RAPGEF1: variants seen among roughly 807,000 people sequenced by gnomAD.
RAPGEF1 encodes Rap guanine nucleotide exchange factor 1, also known as CRK SH3-binding GNRP.
RAPGEF1 carries 33 observed loss-of-function variants against 143.3 expected under a neutral mutation model. The ratio of observed to expected loss-of-function variants is 0.23; its 90% CI spans 0.17 to 0.31. RAPGEF1 has a LOEUF of 0.31. Among genes scored for constraint, RAPGEF1 ranks in the 10% least tolerant of loss-of-function variants. RAPGEF1 has a pLI of 1.00. For missense variants in RAPGEF1, 1,199 were observed against 1,645.4 expected (o/e 0.73, Z 4.69); for synonymous variants, 629 against 676.5 (o/e 0.93, Z 1.09).
In RAPGEF1 at chr9:131,716,489, G is replaced by A. The variant is rs368080518; in HGVS notation, c.61+23281C>T. Among the ~76,000 whole-genome samples the A allele has an allele frequency of 2.6e-5, 4 of 152,350 alleles. No individual in the cohort carries two copies. In the East Asian group the frequency reaches 7.7e-4, roughly 29 times the overall value. ...GCTTCTTAAACCCCTGATGTGGCCA[G>A]GCACTATGGCTCATGCCTGTAATCC... On this transcript the variant is annotated intron_variant, in intron 1 of 26. Transcript: ENST00000683357.
rs547323151 is a variant in RAPGEF1 at position 131,608,898 on chromosome 9, C to A, written c.2062-3710G>T. Among the ~76,000 whole-genome samples, 8 of 152,324 alleles carry A rather than the reference C, an allele frequency of 5.3e-5. No individual in the cohort carries two copies. The East Asian group carries it at 1.4e-3, about 26-fold the overall frequency. On this transcript the variant is annotated intron_variant, in intron 12 of 26. Transcript: ENST00000683357. ...CACAGGGGCAGAGAGAAAGGCAGGG[C>A]GGGCCATTCCACAGAAACGCCGCCT...
At chr9:131,652,526 T>C (rs1256086086) in intron 1 of RAPGEF1, among the ~76,000 whole-genome samples, 2 of 152,164 alleles carry the variant, frequency 1.3e-5, no homozygotes, top group Admixed American at 1.3e-4. Context: ...TAAAAAATTA[T>C]TATTTTTTTT....
intron 1 of RAPGEF1, among the ~76,000 whole-genome samples, chr9:131,724,728 G>C (rs1322447028): frequency 6.6e-6 from 1 of 152,216 alleles, no homozygotes; most frequent in Non-Finnish European, 1.5e-5. Flanking sequence ...TCTGATGGAT[G>C]AAATGAGTTC....
chr9:131,596,181 T>C, intron 17 of RAPGEF1, 117 bp downstream of exon 17: 1 of 913,706 alleles, frequency 1.1e-6, no homozygotes, highest in South Asian at 1.5e-5. Flanking sequence ...GCACCAGGAC[T>C]GCTGATCAGA....
chr9:131,641,740 C>A lies in RAPGEF1; in HGVS notation c.494+1499G>T, dbSNP rs917556155. 6.6e-6 allele frequency among the ~76,000 whole-genome samples: 1 copy of A among 152,226 alleles called. No homozygotes were observed. On this transcript the variant is annotated intron_variant, in intron 4 of 26. Coordinates refer to ENST00000683357, the MANE Select transcript of RAPGEF1 (RefSeq NM_001377935.1). This position sits in a 1 kb window ranked among gnomAD's most constrained non-coding sequence, Gnocchi z 4.6. ...CACCGAACACTTCTAAGAGCCGGAG[C>A]TGGACTGACTCTGGGAAAGACAGTG... is the stretch of plus-strand genomic sequence containing the variant.
chr9:131,691,938 G>A (rs937159077), intron 1 of RAPGEF1, among the ~76,000 whole-genome samples: 6 of 152,064 alleles, frequency 3.9e-5, no homozygotes, highest in Non-Finnish European at 5.9e-5. Flanking sequence ...GAACAAAAAC[G>A]AAATATTTAT....
At chr9:131,627,213 C>CAAAAAAA (rs10690802) in intron 9 of RAPGEF1, among the ~76,000 whole-genome samples, 9 of 97,408 alleles carry the variant, frequency 9.2e-5, no homozygotes, top group African/African-American at 1.9e-4. Context: ...GGCTCTGTCT[C>CAAAAAAA]AAAAAAAAAA....
chr9:131,730,515 T>C (rs997177478), intron 1 of RAPGEF1, among the ~76,000 whole-genome samples: 8 of 150,798 alleles, frequency 5.3e-5, no homozygotes, highest in Non-Finnish European at 7.4e-5. Context: ...GTCAACATGG[T>C]GAAACCCCAT....
intron 1 of RAPGEF1, among the ~76,000 whole-genome samples, chr9:131,693,134 C>T (rs1833899851): frequency 6.6e-6 from 1 of 152,182 alleles, no homozygotes; most frequent in Non-Finnish European, 1.5e-5. Flanking sequence ...GGTAAATGTT[C>T]TCTCTCTGGC....
At chr9:131,600,531 A>T (rs1365847599) in intron 15 of RAPGEF1, among the ~76,000 whole-genome samples, 1 of 152,172 alleles carries the variant, frequency 6.6e-6, no homozygotes, top group East Asian at 1.9e-4. Context: ...GCCCTCTTCA[A>T]CAGGTCCCTA....
intron 12 of RAPGEF1, among the ~76,000 whole-genome samples, chr9:131,610,723 T>C (rs539942410): frequency 1.3e-5 from 2 of 152,346 alleles, no homozygotes; most frequent in Admixed American, 1.3e-4. Flanking sequence ...TCAGAGCACA[T>C]ATGTCCTTCA....
At chr9:131,635,573 G>C (rs1272936434) in intron 5 of RAPGEF1, among the ~76,000 whole-genome samples, 1 of 152,210 alleles carries the variant, frequency 6.6e-6, no homozygotes, top group Non-Finnish European at 1.5e-5. Context: ...CCTCCCAGCT[G>C]GGGGAGGCTC....
intron 1 of RAPGEF1, among the ~76,000 whole-genome samples, chr9:131,672,155 AC>A (rs1831509468): frequency 1.3e-5 from 2 of 152,248 alleles, no homozygotes; most frequent in African/African-American, 4.8e-5. Context: ...AGGACCAAGC[AC>A]AGGTGCAAAG....
intron 1 of RAPGEF1, chr9:131,709,701 C>CA: frequency 6.2e-7 from 1 of 1,613,840 alleles, no homozygotes; most frequent in Non-Finnish European, 8.5e-7. Flanking sequence ...CCAGAGGACA[C>CA]AGGGCCCTTC....
At chr9:131,715,818 T>C (rs963152443) in intron 1 of RAPGEF1, among the ~76,000 whole-genome samples, 5 of 147,366 alleles carry the variant, frequency 3.4e-5, no homozygotes, top group African/African-American at 1.0e-4. Context: ...TGAGTGGAGA[T>C]TGCACCACTG....
Position 131,612,528 on chromosome 9 carries a change from T to C in RAPGEF1, c.2061+6523A>G, listed in dbSNP as rs542037995. Among the ~76,000 whole-genome samples, 3 of 152,278 alleles carry C rather than the reference T, an allele frequency of 2.0e-5. No individual in the cohort carries two copies. In the South Asian group the frequency reaches 6.2e-4, roughly 32 times the overall value. On this transcript the variant is annotated intron_variant, in intron 12 of 26. Coordinates refer to ENST00000683357, the MANE Select transcript of RAPGEF1 (RefSeq NM_001377935.1). Reference sequence around the variant, plus strand: ...AGTCCTGCTGCTGAGATGGGCATACTCCCTACTGCCCACAGTAAGGCAAGG... The same window carrying C: ...AGTCCTGCTGCTGAGATGGGCATACCCCCTACTGCCCACAGTAAGGCAAGG...
intron 10 of RAPGEF1, among the ~76,000 whole-genome samples, chr9:131,623,899 C>A (rs1160325467): frequency 6.6e-6 from 1 of 152,136 alleles, no homozygotes; most frequent in Admixed American, 6.5e-5. Flanking sequence ...TCCTTCTTTC[C>A]CTCAAAGCAA....
chr9:131,714,472 T>C (rs1835721828), intron 1 of RAPGEF1, among the ~76,000 whole-genome samples: 2 of 151,984 alleles, frequency 1.3e-5, no homozygotes, highest in Non-Finnish European at 2.9e-5. Context: ...AAGCTTTGTG[T>C]ATGGAATTTG....
At chr9:131,647,036 C>A (rs1023825727) in intron 3 of RAPGEF1, among the ~76,000 whole-genome samples, 3 of 152,214 alleles carry the variant, frequency 2.0e-5, no homozygotes, top group Non-Finnish European at 4.4e-5. Context: ...TAACACCTCC[C>A]AGGACCCCCT....
Sources: gnomAD v4.1 joint callset for allele counts (sites outside exome capture counted in the v4.1 genomes callset) on GRCh38, gnomAD v4.1.1 for gene constraint, Gnocchi (gnomAD v3.1) non-coding constraint, MANE v1.5 for transcripts, NCBI Gene and HGNC (gene_info 2026-07-23, HGNC 2026-07-21) for gene names.